Variants in CDH13 observed in about 807,000 individuals in gnomAD.
The protein encoded by CDH13 is cadherin 13, also known as cadherin-13.
A neutral mutation model predicts 63.8 loss-of-function variants in CDH13; 24 were observed. The observed-to-expected ratio is 0.38, with a 90% CI of 0.27 to 0.53. The LOEUF is 0.53. Ranked by LOEUF, CDH13 falls within the 20% of genes least tolerant of loss-of-function variation. CDH13 has a pLI of 0.85. For missense variants in CDH13, 1,049 were observed against 903.1 expected (o/e 1.16, Z -2.07); for synonymous variants, 503 against 355.3 (o/e 1.42, Z -4.67).
At chr16:82,651,976 C>G (rs1463340957) in intron 1 of CDH13, among the ~76,000 whole-genome samples, 1 of 152,206 alleles carries the variant, frequency 6.6e-6, no homozygotes, top group South Asian at 2.1e-4. Context: ...CCAATCAGAA[C>G]AAGTTGGAGC....
intron 5 of CDH13, among the ~76,000 whole-genome samples, chr16:83,268,732 T>C (rs904899998): frequency 1.3e-5 from 2 of 152,170 alleles, no homozygotes; most frequent in African/African-American, 4.8e-5. Context: ...ATGTGATTGA[T>C]GTTGAGAAAT....
chr16:83,210,533 T>A (rs1191477290), intron 4 of CDH13, among the ~76,000 whole-genome samples: 1 of 151,998 alleles, frequency 6.6e-6, no homozygotes, highest in Non-Finnish European at 1.5e-5. Flanking sequence ...TATGCAATGT[T>A]TATTTAAAAG....
intron 1 of CDH13, among the ~76,000 whole-genome samples, chr16:82,781,653 C>T (rs931765189): frequency 6.6e-6 from 1 of 152,160 alleles, no homozygotes; most frequent in Non-Finnish European, 1.5e-5. Context: ...CCTATCAGTC[C>T]ATCTATCTAT....
intron 3 of CDH13, among the ~76,000 whole-genome samples, chr16:83,095,571 C>A (rs1243965424): frequency 6.6e-6 from 1 of 152,140 alleles, no homozygotes; most frequent in East Asian, 1.9e-4. Flanking sequence ...ACCCAATAGA[C>A]TGTGAGTTCT....
chr16:83,667,149 C>T (rs893246825), intron 8 of CDH13, among the ~76,000 whole-genome samples: 3 of 151,826 alleles, frequency 2.0e-5, no homozygotes, highest in African/African-American at 7.3e-5. Context: ...AGATGGATGG[C>T]AGGTAAATGC....
At chr16:83,676,499 C>G (rs376784780) in intron 9 of CDH13, among the ~76,000 whole-genome samples, 1 of 152,194 alleles carries the variant, frequency 6.6e-6, no homozygotes, top group South Asian at 2.1e-4. Context: ...TTGAGGTTTA[C>G]TTTACCGAAG....
intron 6 of CDH13, among the ~76,000 whole-genome samples, chr16:83,473,526 A>G (rs11860629): frequency 0.034 from 5,160 of 152,184 alleles, 316 homozygotes; most frequent in African/African-American, 0.12. Flanking sequence ...CACTTACCTA[A>G]CAGGTGTGGT....
chr16:83,496,412 G>A (rs1358001903), intron 7 of CDH13, among the ~76,000 whole-genome samples: 1 of 151,122 alleles, frequency 6.6e-6, no homozygotes, highest in Non-Finnish European at 1.5e-5. Flanking sequence ...AATGGGGAAA[G>A]GATTCCCTGT....
intron 6 of CDH13, among the ~76,000 whole-genome samples, chr16:83,358,268 C>G (rs1437704914): frequency 6.6e-6 from 1 of 152,106 alleles, no homozygotes; most frequent in Admixed American, 6.6e-5. Context: ...AAGGAGCCAC[C>G]TCACCTAGGA....
chr16:82,901,165 A>T (rs974016190), intron 2 of CDH13, among the ~76,000 whole-genome samples: 1 of 152,078 alleles, frequency 6.6e-6, no homozygotes, highest in African/African-American at 2.4e-5. Context: ...CGTACAGAAG[A>T]AAAAGGTTGT....
intron 10 of CDH13, among the ~76,000 whole-genome samples, chr16:83,744,965 C>T (rs1189731830): frequency 2.0e-5 from 3 of 152,154 alleles, no homozygotes; most frequent in East Asian, 1.9e-4. Flanking sequence ...ATCCAGCCTG[C>T]GAATCCCAAC....
intron 5 of CDH13, among the ~76,000 whole-genome samples, chr16:83,228,311 G>A (rs565712100): frequency 5.3e-5 from 8 of 152,324 alleles, no homozygotes; most frequent in South Asian, 4.1e-4. Context: ...CCGCAGGGCC[G>A]TGCTCTGCAG....
intron 11 of CDH13, among the ~76,000 whole-genome samples, chr16:83,763,486 G>T (rs1417626529): frequency 1.3e-5 from 2 of 152,160 alleles, no homozygotes; most frequent in African/African-American, 4.8e-5. Flanking sequence ...CAAACTGAGG[G>T]TGGGAGGGGC....
chr16:82,841,278 C>T (rs1320152317), intron 1 of CDH13, among the ~76,000 whole-genome samples: 2 of 152,186 alleles, frequency 1.3e-5, no homozygotes, highest in Admixed American at 6.5e-5. Flanking sequence ...ACGTGCCAGC[C>T]ATGATTTTTT....
intron 4 of CDH13, among the ~76,000 whole-genome samples, chr16:83,133,506 A>G (rs536403967): frequency 1.3e-5 from 2 of 152,240 alleles, no homozygotes; most frequent in East Asian, 3.9e-4. Flanking sequence ...CCTCAGTGGA[A>G]TTATGTTTTT....
At chr16:83,136,777 G>C (rs899794662) in intron 4 of CDH13, among the ~76,000 whole-genome samples, 1 of 152,158 alleles carries the variant, frequency 6.6e-6, no homozygotes, top group Non-Finnish European at 1.5e-5. Flanking sequence ...GGGATGTTCC[G>C]CAGCCTGAAT....
chr16:83,203,502 T>C (rs942960868), intron 4 of CDH13, among the ~76,000 whole-genome samples: 5 of 151,398 alleles, frequency 3.3e-5, no homozygotes, highest in East Asian at 3.9e-4. Context: ...CTGGCTAACA[T>C]GGTGAAACCC....
chr16:82,767,344 A>G (rs1016587062), intron 1 of CDH13, among the ~76,000 whole-genome samples: 2 of 152,140 alleles, frequency 1.3e-5, no homozygotes, highest in Non-Finnish European at 2.9e-5. Context: ...ATTGTTTTCT[A>G]TCTTGGATTA....
intron 5 of CDH13, among the ~76,000 whole-genome samples, chr16:83,246,002 G>T (rs1355695651): frequency 2.0e-5 from 3 of 152,224 alleles, no homozygotes; most frequent in African/African-American, 7.2e-5. Flanking sequence ...CTCCCAAAGA[G>T]CTGGGATTGC....
Sources: allele counts gnomAD v4.1 joint callset (sites outside exome capture counted in the v4.1 genomes callset), GRCh38; gene constraint gnomAD v4.1.1; transcripts MANE v1.5; gene names NCBI Gene and HGNC (gene_info 2026-07-23, HGNC 2026-07-21).